TTLL12: variants seen among roughly 807,000 people sequenced by gnomAD.
The protein encoded by TTLL12 is tubulin--tyrosine ligase-like protein 12.
Under a neutral mutation model 79.6 loss-of-function variants are expected in TTLL12, and 77 were observed. That is an observed-to-expected ratio of 0.97 (90% CI 0.81 to 1.17). The LOEUF is 1.17. TTLL12 is among the 50% of genes most tolerant of loss of function. The probability of loss-of-function intolerance (pLI) is 0.00; values close to 1 mark genes in which losing one functional copy is unlikely to be tolerated. For missense variants in TTLL12, 969 were observed against 895.9 expected, an observed-to-expected ratio of 1.08 and a Z score of -1.04; for synonymous variants, 437 against 376.1, an observed-to-expected ratio of 1.16 and a Z score of -1.87.
At chr22:43,172,268 G>T in intron 10 of TTLL12, 135 bp downstream of exon 10, 1 of 1,101,778 alleles carries the variant, frequency 9.1e-7, no homozygotes, top group Non-Finnish European at 1.3e-6. Flanking sequence ...GGCTCCAAGG[G>T]CCGCTAGCTG....
intron 1 of TTLL12, among the ~76,000 whole-genome samples, chr22:43,185,263 A>C (rs1162097226): frequency 0.015 from 173 of 11,504 alleles, 37 homozygotes; most frequent in Non-Finnish European, 0.042. Flanking sequence ...ATATATATAT[A>C]TATATATATA....
chr22:43,169,771 A>T (rs1476369641), intron 11 of TTLL12: 4 of 660,488 alleles, frequency 6.1e-6, no homozygotes, highest in South Asian at 6.0e-5. Context: ...CTCTGGACCA[A>T]CGGATTAACT....
rs1931645510 is a variant in TTLL12, at chr22:43,167,477, G to C, written c.*531C>G. On this transcript the variant is annotated 3_prime_UTR_variant, in exon 14 of 14. Coordinates refer to ENST00000216129, the MANE Select transcript of TTLL12 (RefSeq NM_015140.4). The stretch of plus-strand genomic sequence containing the variant: ...GCTGTTCCTGGGCCCCTGTCGCATA[G>C]AGCCCTGTGGGTGCAGTGTGGGGCC... 3.8e-6 allele frequency: 1 copy of C among 261,122 alleles called. No homozygotes were observed. Among genetic ancestry groups the C allele is most frequent in the Non-Finnish European group, 7.6e-6 (1 of 130,978 alleles). The allele number at this position is 261,122 out of a possible 1,614,324, so 16.2% of individuals were successfully genotyped here.
At position 43,168,074 on chromosome 22, in the gene TTLL12, G is replaced by C; in HGVS notation, c.1869C>G (p.Phe623Leu). The C allele has an allele frequency of 6.2e-7, 1 of 1,614,186 alleles. No homozygotes were observed. Among genetic ancestry groups the C allele is most frequent in the Non-Finnish European group, 8.5e-7 (1 of 1,180,014 alleles). ...ERACRYHPTF[F>L]NDVFSTLFLD... ...GAAACAAGGTGCTGAAGACGTCGTT[G>C]AAGAAGGTGGGGTGGTACCTGCAGG... is the stretch of plus-strand genomic sequence containing the variant. Residue 623 changes from phenylalanine to leucine, a missense_variant, in exon 14 of 14, where the codon TTC becomes TTG. Coordinates refer to ENST00000216129, the MANE Select transcript of TTLL12 (RefSeq NM_015140.4).
intron 11 of TTLL12, chr22:43,171,499 T>G (rs1459647890): frequency 1.1e-5 from 3 of 272,292 alleles, no homozygotes; most frequent in Non-Finnish European, 7.2e-6. Flanking sequence ...CTTTTCCGGT[T>G]GAAGTGGTGG....
chr22:43,172,583 T>C, intron 9 of TTLL12, 29 bp from the exon 10 acceptor site: 1 of 1,613,502 alleles, frequency 6.2e-7, no homozygotes, highest in Non-Finnish European at 8.5e-7. Context: ...AGCTCGCTGG[T>C]GGCCAGGACA....
rs371720493 is a variant in TTLL12 at position 43,183,163 on chromosome 22, T to A, written c.178-14A>T. 26 of 1,613,284 alleles carry A rather than the reference T, an allele frequency of 1.6e-5. No individual in the cohort carries two copies. The African/African-American group carries it at 3.1e-4, about 19-fold the overall frequency. ...AGCGTCGAAAACCTGGGGGCCAGAGTTCCCGTCAGCAGGGGTGTGGGCAGG... is the reference window on the plus strand; with the variant it reads ...AGCGTCGAAAACCTGGGGGCCAGAGATCCCGTCAGCAGGGGTGTGGGCAGG... On this transcript the variant is annotated splice_polypyrimidine_tract_variant and intron_variant, in intron 1 of 13. Transcript: ENST00000216129.
chr22:43,168,264 CCT>C, intron 13 of TTLL12, 105 bp from the exon 14 acceptor site: 2 of 1,474,108 alleles, frequency 1.4e-6, no homozygotes, highest in African/African-American at 2.8e-5. Flanking sequence ...GAACCTGGGC[CCT>C]GATTCCCAGG....
chr22:43,182,055 GAAAC>G (rs1293744032), intron 2 of TTLL12, among the ~76,000 whole-genome samples: 2 of 149,358 alleles, frequency 1.3e-5, no homozygotes, highest in African/African-American at 5.1e-5. Flanking sequence ...AGGTGGGGCT[GAAAC>G]AAACACTCAG....
rs900893521 is a variant in TTLL12 at position 43,181,053 on chromosome 22, T to G, written c.348-113A>C. 2.4e-6 allele frequency: 3 copies of G among 1,227,168 alleles called. No individual in the cohort carries two copies. The African/African-American group carries it at 4.5e-5, about 19-fold the overall frequency. The allele number at this position is 1,227,168 out of a possible 1,614,324, so 76.0% of individuals were successfully genotyped here. ...GACCAGGGCCCAAGCTTCCTTAGAT[T>G]TGGTCTACTGGGTGCCATAGTTATG... On this transcript the variant is annotated intron_variant, in intron 2 of 13. Coordinates refer to ENST00000216129, the MANE Select transcript of TTLL12 (RefSeq NM_015140.4).
In TTLL12 at chr22:43,166,936, G is replaced by GA. The variant is rs1310838961; in HGVS notation, c.*1071_*1072insT. ...CTCTGGAAGTAGCTCTCGCCTGCCTGGGCAGTTAGGTCCACCCACTGCCCG... is the reference window on the plus strand; with the variant it reads ...CTCTGGAAGTAGCTCTCGCCTGCCTGAGGCAGTTAGGTCCACCCACTGCCCG... On this transcript the variant is annotated 3_prime_UTR_variant, in exon 14 of 14. Transcript: ENST00000216129. 3.4e-6 allele frequency: 1 copy of GA among 296,914 alleles called. No homozygotes were observed. Among genetic ancestry groups the GA allele is most frequent in the Non-Finnish European group, 6.6e-6 (1 of 151,676 alleles). 18.4% of individuals were successfully genotyped at this position (296,914 alleles called of 1,614,324 possible). A position where few individuals can be genotyped will look rare whatever the true frequency, so the allele number is the denominator to read the frequency against.
Position 43,186,827 on chromosome 22 carries a change from C to A in TTLL12, c.177+66G>T, listed in dbSNP as rs1209710984. On this transcript the variant is annotated intron_variant, in intron 1 of 13. Transcript: ENST00000216129. ...CGCCCGGGAGCGCTCTTCCCTGTCC[C>A]GCGCCGCGGGCTCCCGCCGCGCTCC... 4.9e-6 allele frequency: 6 copies of A among 1,228,082 alleles called. No homozygotes were observed. In the East Asian group the frequency reaches 1.4e-4, roughly 28 times the overall value. The allele number at this position is 1,228,082 out of a possible 1,614,324, so 76.1% of individuals were successfully genotyped here. A position where few individuals can be genotyped will look rare whatever the true frequency, so the allele number is the denominator to read the frequency against.
At chr22:43,176,824 G>A (rs1385912849) in intron 5 of TTLL12, among the ~76,000 whole-genome samples, 2 of 151,098 alleles carry the variant, frequency 1.3e-5, no homozygotes, top group Non-Finnish European at 2.9e-5. Context: ...GCGCATGGCT[G>A]CTCCTCCCTC....
chr22:43,184,047 G>A (rs1044357847), intron 1 of TTLL12, among the ~76,000 whole-genome samples: 1 of 152,226 alleles, frequency 6.6e-6, no homozygotes, highest in Non-Finnish European at 1.5e-5. Flanking sequence ...CACAGCAAAT[G>A]CTCTATAAAC....
At chr22:43,181,042 C>A (rs2071724) in intron 2 of TTLL12, 102 bp from the exon 3 acceptor site, 541,427 of 1,310,730 alleles carry the variant, frequency 0.41, 113,097 homozygotes, top group South Asian at 0.48. Context: ...AGGGCCCAAG[C>A]TTCCTTAGAT....
At chr22:43,170,273 T>G (rs1006898858) in intron 11 of TTLL12, 1 of 272,580 alleles carries the variant, frequency 3.7e-6, no homozygotes, top group African/African-American at 2.2e-5. Flanking sequence ...GGGGCCCTGC[T>G]GGGGGGTCTG....
Position 43,172,559 on chromosome 22 carries a change from A to T in TTLL12, c.1342-5T>A. ...TTCGATGTACTTGGACACAACCTGG[A>T]GGACACAGGTGCAAGCTCGCTGGTG... On this transcript the variant is annotated splice_region_variant and splice_polypyrimidine_tract_variant and intron_variant, in intron 9 of 13. Transcript: ENST00000216129. 1 of 1,614,056 alleles carries T rather than the reference A, an allele frequency of 6.2e-7. No homozygotes were observed. Among genetic ancestry groups the T allele is most frequent in the Non-Finnish European group, 8.5e-7 (1 of 1,180,012 alleles).
rs754272809 is a variant in TTLL12, at chr22:43,167,242, C to T, written c.*766G>A. The T allele has an allele frequency of 2.5e-5, 13 of 526,616 alleles. No individual in the cohort carries two copies. Among genetic ancestry groups the T allele is most frequent in the African/African-American group, 3.9e-5 (2 of 51,916 alleles). The allele number at this position is 526,616 out of a possible 1,614,324, so 32.6% of individuals were successfully genotyped here. ...GATCCTGGCCCATCTCACACAAGGG[C>T]GGGACCCCGTGGAGTGCCCGGCGAG... On this transcript the variant is annotated 3_prime_UTR_variant, in exon 14 of 14. Coordinates refer to ENST00000216129, the MANE Select transcript of TTLL12 (RefSeq NM_015140.4).
At chr22:43,176,435 G>A (rs1048228376) in intron 5 of TTLL12, 39 bp from the exon 6 acceptor site, 2 of 1,553,866 alleles carry the variant, frequency 1.3e-6, no homozygotes, top group South Asian at 1.2e-5. Flanking sequence ...TGAGGTCAAG[G>A]AAGGGAGGGA....
Sources: gnomAD v4.1 joint callset for allele counts (sites outside exome capture counted in the v4.1 genomes callset) on GRCh38, gnomAD v4.1.1 for gene constraint, MANE v1.5 for transcripts, NCBI Gene and HGNC (gene_info 2026-07-23, HGNC 2026-07-21) for gene names.